The following CES5A variants were observed in gnomAD, a reference collection of about 807,000 sequenced individuals.
CES5A encodes the protein carboxylesterase 5.
In CES5A, 67 loss-of-function variants were observed where a neutral mutation model predicts 62.9. That is an observed-to-expected ratio of 1.07 (90% CI 0.88 to 1.31). CES5A has a LOEUF of 1.31. CES5A is among the 50% of genes most tolerant of loss of function. CES5A has a pLI of 0.00. For missense variants in CES5A, 748 were observed against 708.5 expected, an observed-to-expected ratio of 1.06 and a Z score of -0.63; for synonymous variants, 296 against 280.8, an observed-to-expected ratio of 1.05 and a Z score of -0.54.
chr16:55,884,667 C>T (rs1232745502), intron 1 of CES5A, among the ~76,000 whole-genome samples: 1 of 152,148 alleles, frequency 6.6e-6, no homozygotes, highest in African/African-American at 2.4e-5. Context: ...TCACAGTTCA[C>T]ATCAGCCTCA....
chr16:55,861,440 G>A lies in CES5A; in HGVS notation c.887C>T (p.Pro296Leu). Residue 296 changes from proline (P) to leucine (L), a missense_variant, in exon 7 of 13, where the codon CCC becomes CTC. Physicochemically the swap from Pro to Leu is moderately conservative, Grantham distance 98 (BLOSUM62 -3). Transcript: ENST00000290567. Reference sequence around the variant, plus strand: ...GCTGAGGGTCAGCAGCTCCTTGGAGGGTTTTGTCCTCAGGCACCTCAGCAG... The same window carrying A: ...GCTGAGGGTCAGCAGCTCCTTGGAGAGTTTTGTCCTCAGGCACCTCAGCAG... ...EALLRCLRTK[P>L]SKELLTLSQK... 1 of 1,613,574 alleles carries A rather than the reference G, an allele frequency of 6.2e-7. No homozygotes were observed. Among genetic ancestry groups the A allele is most frequent in the East Asian group, 2.2e-5 (1 of 44,872 alleles).
chr16:55,886,460 TC>T (rs2033816547), intron 1 of CES5A, among the ~76,000 whole-genome samples: 1 of 152,094 alleles, frequency 6.6e-6, no homozygotes, highest in African/African-American at 2.4e-5. Flanking sequence ...GGGACAAAAC[TC>T]ATCCAAGTCA....
At chr16:55,899,046 T>C (rs1346355756) in intron 1 of CES5A, among the ~76,000 whole-genome samples, 3 of 152,128 alleles carry the variant, frequency 2.0e-5, no homozygotes, top group African/African-American at 4.8e-5. Flanking sequence ...AAAAACCCCA[T>C]ACAACATAAC....
intron 1 of CES5A, among the ~76,000 whole-genome samples, chr16:55,908,058 CT>C (rs1315416553): frequency 6.6e-6 from 1 of 152,162 alleles, no homozygotes; most frequent in African/African-American, 2.4e-5. Context: ...CTCTGACTTA[CT>C]ATTCTCTTGT....
intron 2 of CES5A, among the ~76,000 whole-genome samples, chr16:55,939,955 A>G (rs1420865821): frequency 6.6e-6 from 1 of 152,172 alleles, no homozygotes; most frequent in Admixed American, 6.5e-5. Context: ...AAGAAATATG[A>G]GAAAATATTT....
At chr16:55,881,822 G>A (rs1306775490) in intron 1 of CES5A, among the ~76,000 whole-genome samples, 1 of 152,134 alleles carries the variant, frequency 6.6e-6, no homozygotes, top group Admixed American at 6.5e-5. Context: ...ATAGAAATGG[G>A]ATCCCTAGTA....
intron 11 of CES5A, 87 bp from the exon 12 acceptor site, chr16:55,846,927 C>CTCA: frequency 9.7e-7 from 1 of 1,032,276 alleles, no homozygotes; most frequent in African/African-American, 1.6e-5. Context: ...CCTTTTCACA[C>CTCA]CCCTCCTCCC....
At chr16:55,892,912 A>G (rs1282119511) in intron 1 of CES5A, among the ~76,000 whole-genome samples, 5 of 152,186 alleles carry the variant, frequency 3.3e-5, no homozygotes, top group Non-Finnish European at 7.4e-5. Context: ...GGTCAAAAAT[A>G]GGTAAAAGGA....
intron 4 of CES5A, among the ~76,000 whole-genome samples, chr16:55,866,658 TAAA>T (rs369679801): frequency 0.014 from 1,157 of 82,828 alleles, 21 homozygotes; most frequent in African/African-American, 0.048. Flanking sequence ...CTGTCTCTGC[TAAA>T]AAAAAAAAAA....
At chr16:55,950,898 C>T (rs765516202) in intron 1 of CES5A, among the ~76,000 whole-genome samples, 3 of 151,662 alleles carry the variant, frequency 2.0e-5, no homozygotes, top group Non-Finnish European at 2.9e-5. Context: ...GACAGGAGAT[C>T]GAGACCATCC....
chr16:55,898,096 T>C (rs2033952896), intron 1 of CES5A, among the ~76,000 whole-genome samples: 1 of 152,198 alleles, frequency 6.6e-6, no homozygotes, highest in African/African-American at 2.4e-5. Context: ...GGATCAGGAA[T>C]GCTCTCAGTT....
rs750114802 is a variant in CES5A, at chr16:55,849,789, G to A, written c.1274-16C>T. The stretch of plus-strand genomic sequence containing the variant: ...GCACCAGCATCTGACAAAAGGTCAG[G>A]GAAGGTCAGGCATGCATGCAGCGCG... On this transcript the variant is annotated splice_polypyrimidine_tract_variant and intron_variant, in intron 10 of 12. Transcript: ENST00000290567. 10 of 1,612,780 alleles carry A rather than the reference G, an allele frequency of 6.2e-6. No homozygotes were observed. The highest frequency in any genetic ancestry group is 7.6e-6 in the Non-Finnish European group (9 of 1,179,596).
At chr16:55,870,622 CG>C (rs1157292762) in intron 3 of CES5A, among the ~76,000 whole-genome samples, 1 of 151,596 alleles carries the variant, frequency 6.6e-6, no homozygotes, top group Non-Finnish European at 1.5e-5. Flanking sequence ...CCCTTGAGCC[CG>C]GATGGCAAAG....
At chr16:55,913,892 T>A (rs1408516607) in intron 1 of CES5A, among the ~76,000 whole-genome samples, 1 of 152,132 alleles carries the variant, frequency 6.6e-6, no homozygotes, top group Non-Finnish European at 1.5e-5. Context: ...ATCCACACTG[T>A]TCCCACGTCA....
At chr16:55,851,977 A>G (rs2033142324) in intron 10 of CES5A, among the ~76,000 whole-genome samples, 1 of 152,256 alleles carries the variant, frequency 6.6e-6, no homozygotes, top group Admixed American at 6.5e-5. Context: ...TTGAGTAACT[A>G]AAGTCACTAA....
chr16:55,863,277 G>A lies in CES5A; in HGVS notation c.810+71C>T, dbSNP rs1194732340. On this transcript the variant is annotated intron_variant, in intron 6 of 12. Transcript: ENST00000290567. ...CACTAAGGAAAGCCAAACACATGGTGAGAAGGTGCCTGACCACATTCTCTG... is the reference window on the plus strand; with the variant it reads ...CACTAAGGAAAGCCAAACACATGGTAAGAAGGTGCCTGACCACATTCTCTG... 11 of 858,970 alleles carry A rather than the reference G, an allele frequency of 1.3e-5. No homozygotes were observed. In the African/African-American group the frequency reaches 1.5e-4, roughly 12 times the overall value. 53.2% of individuals were successfully genotyped at this position (858,970 alleles called of 1,614,324 possible).
chr16:55,955,717 C>T (rs573024919), intron 1 of CES5A: 15 of 1,009,712 alleles, frequency 1.5e-5, no homozygotes, highest in East Asian at 2.6e-5. Flanking sequence ...TCTAGCCTAC[C>T]GTGGGGGCTG....
chr16:55,847,016 T>A (rs777843587), intron 11 of CES5A, among the ~76,000 whole-genome samples, 176 bp from the exon 12 acceptor site: 2 of 152,120 alleles, frequency 1.3e-5, no homozygotes, highest in Non-Finnish European at 2.9e-5. Context: ...AACCGGGACC[T>A]GTCCAAGGAA....
At chr16:55,908,639 C>T (rs1223366528) in intron 1 of CES5A, among the ~76,000 whole-genome samples, 1 of 152,212 alleles carries the variant, frequency 6.6e-6, no homozygotes, top group African/African-American at 2.4e-5. Flanking sequence ...GGATTACAAG[C>T]GTGAACCACC....
Sources: allele counts gnomAD v4.1 joint callset (sites outside exome capture counted in the v4.1 genomes callset), GRCh38; gene constraint gnomAD v4.1.1; transcripts MANE v1.5; gene names NCBI Gene and HGNC (gene_info 2026-07-23, HGNC 2026-07-21).